CIITA: variants seen among roughly 807,000 people sequenced by gnomAD.
CIITA encodes the protein class II major histocompatibility complex transactivator.
CIITA carries 72 observed loss-of-function variants against 115.1 expected under a neutral mutation model. The ratio of observed to expected loss-of-function variants is 0.63; its 90% CI spans 0.52 to 0.76. The LOEUF is 0.76. Ranked by LOEUF, CIITA falls within the 30% of genes least tolerant of loss-of-function variation. CIITA has a pLI of 0.00. For missense variants in CIITA, 1,617 were observed against 1,463.8 expected (o/e 1.10, Z -1.71); for synonymous variants, 763 against 635.6 (o/e 1.20, Z -3.02).
In CIITA at chr16:10,906,949, A is replaced by T. The variant is rs1293555994; in HGVS notation, c.1457A>T (p.His486Leu). ...GTGGCGGCCGATGAGGTTTTCAGCC[A>T]CATCTTGAAGAGACCTGACCGCGTT... ...PLVAADEVFS[H>L]ILKRPDRVLL... Residue 486 changes from histidine (H) to leucine (L), a missense_variant, in exon 11 of 20, where the codon CAC (histidine) becomes CTC (leucine). Coordinates refer to ENST00000324288, the MANE Select transcript of CIITA (RefSeq NM_000246.4). 4 of 1,613,202 alleles carry T rather than the reference A, an allele frequency of 2.5e-6. No individual in the cohort carries two copies.
At chr16:10,893,804 T>TAAAA (rs71136603) in intron 1 of CIITA, among the ~76,000 whole-genome samples, 616 of 32,158 alleles carry the variant, frequency 0.019, 67 homozygotes, top group African/African-American at 0.043. Context: ...GACTCCGTCT[T>TAAAA]AAAAAAAAAA....
upstream of CIITA, among the ~76,000 whole-genome samples, chr16:10,874,256 T>TTACAGGC (rs1596401200): frequency 1.3e-5 from 2 of 152,170 alleles, no homozygotes; most frequent in East Asian, 3.8e-4. Flanking sequence ...AGTGTTGAGA[T>TTACAGGC]TACAGGCGTG....
At chr16:10,938,565 G>T (rs1040381376), downstream of CIITA, 3 of 152,200 alleles carry the variant, frequency 2.0e-5, no homozygotes, top group African/African-American at 7.2e-5. The surrounding 1 kb of genome is among the most constrained non-coding windows in gnomAD (Gnocchi z 4.9). Flanking sequence ...TATGGAAAGG[G>T]GCCTGGAGAT....
At position 10,915,623 on chromosome 16, in the gene CIITA, C is replaced by G; in HGVS notation, c.2942C>G (p.Thr981Arg). The stretch of plus-strand genomic sequence containing the variant: ...TTCCCCAAACTGGTGCGGATCCTCA[C>G]GGCCTTTTCCTCCCTGCAGCATCTG... The part of the protein sequence containing the change: ...QAFPKLVRIL[T>R]AFSSLQHLDL... Residue 981 changes from threonine (T) to arginine (R), a missense_variant, in exon 14 of 20, where the codon ACG (threonine) becomes AGG (arginine). Transcript: ENST00000324288. The G allele has an allele frequency of 6.2e-7, 1 of 1,614,122 alleles. No homozygotes were observed. Among genetic ancestry groups the G allele is most frequent in the Non-Finnish European group, 8.5e-7 (1 of 1,179,988 alleles).
intron 1 of CIITA, among the ~76,000 whole-genome samples, chr16:10,891,507 A>G (rs540051444): frequency 8.7e-4 from 133 of 152,350 alleles, no homozygotes; most frequent in African/African-American, 3.0e-3. Context: ...ATCATTTTAT[A>G]GATATGGCCC....
chr16:10,907,265 A>C lies in CIITA; in HGVS notation c.1773A>C (p.Gln591His). ...YFESSGMTEH[Q>H]DRALTLLRDR... Reference sequence around the variant, plus strand: ...AGAGCTCAGGGATGACAGAGCACCAAGACAGAGCCCTGACGCTCCTCCGGG... The same window carrying C: ...AGAGCTCAGGGATGACAGAGCACCACGACAGAGCCCTGACGCTCCTCCGGG... The change falls in exon 11 of 20, where the codon CAA becomes CAC. Residue 591 changes from glutamine to histidine, a missense_variant. Gln to His is a conservative substitution (Grantham distance 24). Coordinates refer to ENST00000324288, the MANE Select transcript of CIITA (RefSeq NM_000246.4). The surrounding 1 kb of genome is among the most constrained non-coding windows in gnomAD (Gnocchi z 5.0). 1 of 1,613,370 alleles carries C rather than the reference A, an allele frequency of 6.2e-7. No homozygotes were observed. Among genetic ancestry groups the C allele is most frequent in the South Asian group, 1.1e-5 (1 of 91,072 alleles).
chr16:10,921,996 G>A (rs2145140990), intron 16 of CIITA, among the ~76,000 whole-genome samples, 171 bp from the exon 17 acceptor site: 2 of 152,294 alleles, frequency 1.3e-5, no homozygotes, highest in Middle Eastern at 6.8e-3. Context: ...CCATCCCAAT[G>A]GCCTATGTAA....
chr16:10,905,514 A>G (rs746334305), intron 10 of CIITA, among the ~76,000 whole-genome samples: 4 of 152,196 alleles, frequency 2.6e-5, no homozygotes, highest in African/African-American at 7.2e-5. Flanking sequence ...TAATCCCAGC[A>G]CTTTGGGAGG....
At chr16:10,896,517 T>G (rs746845849) in intron 3 of CIITA, among the ~76,000 whole-genome samples, 8 of 152,156 alleles carry the variant, frequency 5.3e-5, no homozygotes, top group Non-Finnish European at 8.8e-5. Flanking sequence ...AGTGGTTTGT[T>G]TTTTGGGGGA....
intron 15 of CIITA, among the ~76,000 whole-genome samples, chr16:10,917,161 C>A (rs894703292): frequency 1.3e-5 from 2 of 152,064 alleles, no homozygotes; most frequent in African/African-American, 4.8e-5. Flanking sequence ...GGATAAGATA[C>A]AGGAGGATCA....
intron 3 of CIITA, among the ~76,000 whole-genome samples, chr16:10,898,025 C>G (rs979894678): frequency 2.0e-5 from 3 of 152,178 alleles, no homozygotes; most frequent in Admixed American, 1.3e-4. Flanking sequence ...ATCTGTTCTC[C>G]TTCTCCCAGA....
chr16:10,908,566 C>T (rs1253384055), intron 11 of CIITA: 1 of 413,280 alleles, frequency 2.4e-6, no homozygotes, highest in Non-Finnish European at 4.5e-6. Flanking sequence ...AGCAACCAGA[C>T]CAATCTTCTC....
chr16:10,915,711 C>T (rs1159226894), intron 14 of CIITA, 61 bp downstream of exon 14: 2 of 1,412,686 alleles, frequency 1.4e-6, no homozygotes, highest in Non-Finnish European at 2.0e-6. Context: ...GTGATCATAG[C>T]TCACTGCAGC....
intron 11 of CIITA, chr16:10,908,801 G>C: frequency 1.6e-6 from 1 of 638,258 alleles, no homozygotes; most frequent in Non-Finnish European, 2.8e-6. Context: ...ATTTAGCAGT[G>C]AGCTTCCTGG....
At chr16:10,886,166 G>C (rs1456199024) in intron 1 of CIITA, among the ~76,000 whole-genome samples, 1 of 150,496 alleles carries the variant, frequency 6.6e-6, no homozygotes, top group Non-Finnish European at 1.5e-5. Flanking sequence ...TCAAACTCCT[G>C]ACCTCAGGTG....
At chr16:10,914,740 G>T (rs943783069) in intron 13 of CIITA, among the ~76,000 whole-genome samples, 1 of 152,210 alleles carries the variant, frequency 6.6e-6, no homozygotes, top group East Asian at 1.9e-4. Context: ...ATGGAGATAA[G>T]AGCCCATAGC....
chr16:10,906,381 AC>A, intron 10 of CIITA, 117 bp from the exon 11 acceptor site: 8 of 1,262,572 alleles, frequency 6.3e-6, no homozygotes, highest in Non-Finnish European at 9.0e-6. Flanking sequence ...AAACAAACAA[AC>A]AAAAAAACTG....
chr16:10,872,248 G>A (rs1350636769), upstream of CIITA, among the ~76,000 whole-genome samples: 5 of 151,912 alleles, frequency 3.3e-5, no homozygotes, highest in South Asian at 2.1e-4. Flanking sequence ...TCAGCCTCCC[G>A]AGTAGCTAGG....
At chr16:10,884,019 A>C (rs375961905) in intron 1 of CIITA, among the ~76,000 whole-genome samples, 14 of 150,588 alleles carry the variant, frequency 9.3e-5, no homozygotes, top group African/African-American at 3.2e-4. Flanking sequence ...CCCAAGGTCC[A>C]TGGTTTGTTT....
Sources: allele counts gnomAD v4.1 joint callset (sites outside exome capture counted in the v4.1 genomes callset), GRCh38; gene constraint gnomAD v4.1.1; non-coding constraint Gnocchi (gnomAD v3.1); transcripts MANE v1.5; gene names NCBI Gene and HGNC (gene_info 2026-07-23, HGNC 2026-07-21).